The following DYM variants were observed in gnomAD, a reference collection of about 807,000 sequenced individuals.
DYM encodes dyggve-Melchior-Clausen syndrome protein.
Under a neutral mutation model 93.1 loss-of-function variants are expected in DYM, and 78 were observed. The ratio of observed to expected loss-of-function variants is 0.84; its 90% CI spans 0.70 to 1.01. The LOEUF is 1.01. DYM is among the 50% of genes least tolerant of loss of function. The pLI is 0.00. For synonymous variants in DYM, 321 were observed against 319.7 expected, an observed-to-expected ratio of 1.00 and a Z score of -0.04; for missense variants, 789 against 845.0, an observed-to-expected ratio of 0.93 and a Z score of 0.82.
At chr18:49,253,030 T>G (rs1421707774) in intron 13 of DYM, among the ~76,000 whole-genome samples, 3 of 152,188 alleles carry the variant, frequency 2.0e-5, no homozygotes, top group African/African-American at 7.2e-5. Flanking sequence ...AGCAACAGCC[T>G]AGGTACTGTA....
At chr18:49,339,567 G>A (rs984469551) in intron 6 of DYM, among the ~76,000 whole-genome samples, 13 of 152,108 alleles carry the variant, frequency 8.5e-5, no homozygotes, top group Admixed American at 6.5e-5. Context: ...AGGAACTGAG[G>A]TCCTCAGTCC....
At chr18:49,080,678 G>T (rs1192528086) in intron 17 of DYM, among the ~76,000 whole-genome samples, 7 of 146,968 alleles carry the variant, frequency 4.8e-5, no homozygotes, top group Admixed American at 6.7e-5. Flanking sequence ...GGCGGCTGCC[G>T]GGCAGAGACG....
chr18:49,287,923 C>T (rs1267145013), intron 8 of DYM, among the ~76,000 whole-genome samples: 5 of 150,690 alleles, frequency 3.3e-5, no homozygotes, highest in Non-Finnish European at 5.9e-5. Context: ...TACTGTAGCT[C>T]AAATTACACT....
At chr18:49,289,756 TATATATATATATATATACAC>T (rs1428731315) in intron 8 of DYM, among the ~76,000 whole-genome samples, 3 of 47,704 alleles carry the variant, frequency 6.3e-5, no homozygotes, top group African/African-American at 7.4e-5. Context: ...TATATATATA[TATATATATATATATATACAC>T]ATATATATAT....
intron 16 of DYM, among the ~76,000 whole-genome samples, chr18:49,100,416 A>G (rs574137985): frequency 6.6e-6 from 1 of 152,192 alleles, no homozygotes; most frequent in African/African-American, 2.4e-5. Flanking sequence ...AAAGTAATGC[A>G]ATGACAGTTT....
intron 2 of DYM, chr18:49,393,714 G>A (rs555358487): frequency 6.6e-6 from 1 of 152,270 alleles, no homozygotes; most frequent in Non-Finnish European, 1.5e-5. Flanking sequence ...AGATTGCGGT[G>A]AGCTGAGATG....
In DYM at chr18:49,245,451, T is replaced by A. The variant is rs543559500; in HGVS notation, c.1460+11559A>T. 3.3e-5 allele frequency among the ~76,000 whole-genome samples: 5 copies of A among 152,278 alleles called. No homozygotes were observed. In the South Asian group the frequency reaches 1.0e-3, roughly 32 times the overall value. The stretch of plus-strand genomic sequence containing the variant: ...GGAACAACCCTGGGGAAGGAATGCA[T>A]TCCTGGGGGTAGGTATATAGATGGC... On this transcript the variant is annotated intron_variant, in intron 13 of 17. Coordinates refer to ENST00000675505, the MANE Select transcript of DYM (RefSeq NM_001353214.3).
chr18:49,395,947 C>T (rs1156858204), intron 2 of DYM, among the ~76,000 whole-genome samples: 2 of 152,178 alleles, frequency 1.3e-5, no homozygotes, highest in African/African-American at 4.8e-5. Flanking sequence ...TATGAACAGA[C>T]TGATACCCTC....
chr18:49,207,865 G>C (rs148954461), intron 14 of DYM, among the ~76,000 whole-genome samples: 328 of 152,180 alleles, frequency 2.2e-3, no homozygotes, highest in African/African-American at 7.5e-3. Flanking sequence ...GTTTTGTGGA[G>C]AGTCCGATGA....
chr18:49,036,861 C>A lies in DYM; in HGVS notation c.*7194G>T, dbSNP rs2070722150. Among the ~76,000 whole-genome samples the A allele has an allele frequency of 6.6e-6, 1 of 151,882 alleles. No homozygotes were observed. The highest frequency in any genetic ancestry group is 1.5e-5 in the Non-Finnish European group (1 of 67,986). ...TGGCTATTCCTCTCTCCTGCCCTTTCTCCTTCCTTCTTTGATCAGTCTTTT... is the reference window on the plus strand; with the variant it reads ...TGGCTATTCCTCTCTCCTGCCCTTTATCCTTCCTTCTTTGATCAGTCTTTT... On this transcript the variant is annotated 3_prime_UTR_variant, in exon 18 of 18. Transcript: ENST00000675505.
intron 14 of DYM, among the ~76,000 whole-genome samples, chr18:49,164,308 C>T (rs1386304494): frequency 6.6e-6 from 1 of 151,926 alleles, no homozygotes; most frequent in East Asian, 1.9e-4. Flanking sequence ...TGATACTGGA[C>T]TAACTCTCCT....
chr18:49,131,935 AAAAG>A (rs1240703755), intron 15 of DYM, among the ~76,000 whole-genome samples: 1 of 152,210 alleles, frequency 6.6e-6, no homozygotes, highest in African/African-American at 2.4e-5. Context: ...GATGGGAGAA[AAAAG>A]AAAGACAGGA....
At chr18:49,255,884 T>G (rs909999981) in intron 13 of DYM, among the ~76,000 whole-genome samples, 4 of 151,452 alleles carry the variant, frequency 2.6e-5, no homozygotes, top group African/African-American at 9.7e-5. Context: ...TCCTTCAAAG[T>G]CATGTCTTTA....
intron 15 of DYM, among the ~76,000 whole-genome samples, chr18:49,122,670 T>G (rs985549239): frequency 1.3e-5 from 2 of 152,212 alleles, no homozygotes; most frequent in African/African-American, 4.8e-5. Flanking sequence ...TGTTATGCAC[T>G]TGAATCATCC....
At chr18:49,355,633 T>A (rs560064653) in intron 6 of DYM, among the ~76,000 whole-genome samples, 6 of 152,312 alleles carry the variant, frequency 3.9e-5, no homozygotes, top group African/African-American at 1.4e-4. Flanking sequence ...TGTATTCCTC[T>A]GCTGAGGGAC....
chr18:49,311,312 G>C (rs551072864), intron 8 of DYM, among the ~76,000 whole-genome samples: 1 of 152,204 alleles, frequency 6.6e-6, no homozygotes, highest in East Asian at 1.9e-4. Flanking sequence ...TCCACACCAA[G>C]AGTATAAATA....
intron 15 of DYM, among the ~76,000 whole-genome samples, chr18:49,141,584 T>C (rs2084502682): frequency 6.6e-6 from 1 of 152,162 alleles, no homozygotes; most frequent in Admixed American, 6.5e-5. Context: ...TATCCTCATT[T>C]TTTCTCTGGC....
At chr18:49,273,324 A>G (rs1253366947) in intron 10 of DYM, among the ~76,000 whole-genome samples, 2 of 152,188 alleles carry the variant, frequency 1.3e-5, no homozygotes, top group Non-Finnish European at 2.9e-5. Context: ...CTCTTTTCCC[A>G]GGCATTCTTG....
At chr18:49,066,040 T>C (rs2076359822) in intron 17 of DYM, among the ~76,000 whole-genome samples, 1 of 152,144 alleles carries the variant, frequency 6.6e-6, no homozygotes, top group African/African-American at 2.4e-5. Context: ...ACAACTTTTA[T>C]TTTGTGAAAT....
Sources: gnomAD v4.1 joint callset for allele counts (sites outside exome capture counted in the v4.1 genomes callset) on GRCh38, gnomAD v4.1.1 for gene constraint, MANE v1.5 for transcripts, NCBI Gene and HGNC (gene_info 2026-07-23, HGNC 2026-07-21) for gene names.